RDX: variants seen among roughly 807,000 people sequenced by gnomAD.
RDX encodes the protein radixin.
RDX carries 32 observed loss-of-function variants against 83.7 expected under a neutral mutation model. That is an observed-to-expected ratio of 0.38 (90% CI 0.29 to 0.51). The LOEUF is 0.51. Among genes scored for constraint, RDX ranks in the 20% least tolerant of loss-of-function variants. The pLI is 0.87. For missense variants in RDX, 600 were observed against 689.9 expected, an observed-to-expected ratio of 0.87 and a Z score of 1.46; for synonymous variants, 229 against 222.7, an observed-to-expected ratio of 1.03 and a Z score of -0.25.
chr11:110,242,742 T>TA (rs1158038572), intron 10 of RDX, among the ~76,000 whole-genome samples: 1 of 152,134 alleles, frequency 6.6e-6, no homozygotes, highest in Non-Finnish European at 1.5e-5. Context: ...CAGTCCCTCC[T>TA]AAAAAAGGAA....
downstream of RDX, among the ~76,000 whole-genome samples, chr11:110,225,389 C>A (rs2134283720): frequency 6.6e-6 from 1 of 152,150 alleles, no homozygotes; most frequent in East Asian, 1.9e-4. Flanking sequence ...TATTTTGAAT[C>A]CCAAATATAA....
In RDX at chr11:110,247,661, CAAT is replaced by C. The variant is rs749369217; in HGVS notation, c.1090+39_1090+41del. 2.5e-5 allele frequency: 40 copies of C among 1,594,708 alleles called. No individual in the cohort carries two copies. The African/African-American group carries it at 3.9e-4, about 16-fold the overall frequency. On this transcript the variant is annotated intron_variant, in intron 10 of 13. Coordinates refer to ENST00000645495, the MANE Select transcript of RDX (RefSeq NM_002906.4). ...AAAATACCACTATCTGACAACAGAG[CAAT>C]AATAATTTTTAATCCATTTTCAAAA...
chr11:110,283,351 A>C (rs913374363), intron 1 of RDX, among the ~76,000 whole-genome samples: 9 of 152,252 alleles, frequency 5.9e-5, no homozygotes, highest in Admixed American at 3.3e-4. Flanking sequence ...ACAGGGTTTC[A>C]CTATGTTGCC....
At chr11:110,240,367 G>A (rs1470814140) in intron 10 of RDX, among the ~76,000 whole-genome samples, 1 of 152,142 alleles carries the variant, frequency 6.6e-6, no homozygotes, top group East Asian at 1.9e-4. Flanking sequence ...GGTTATCAAA[G>A]GCCAGGAAGT....
chr11:110,231,946 G>A lies in RDX; in HGVS notation c.1675C>T (p.Arg559Cys), dbSNP rs528380395. The part of the protein sequence containing the change: ...VLHAENVKAG[R>C]DKYKTLRQIR... ...TGTCGCAGAGTCTTGTACTTATCACGGCCTGCTTTAACATTCTCAGCATGA... is the reference window on the plus strand; with the variant it reads ...TGTCGCAGAGTCTTGTACTTATCACAGCCTGCTTTAACATTCTCAGCATGA... Residue 559 changes from arginine (R) to cysteine (C), a missense_variant, in exon 14 of 14, where the codon CGT (arginine) becomes TGT (cysteine). Arg to Cys is a radical substitution (Grantham distance 180). Transcript: ENST00000645495. The A allele has an allele frequency of 3.7e-6, 6 of 1,613,702 alleles. No individual in the cohort carries two copies. The highest frequency in any genetic ancestry group is 3.3e-5 in the Admixed American group (2 of 59,976).
chr11:110,255,113 T>C (rs1283266887), intron 8 of RDX, among the ~76,000 whole-genome samples, 176 bp downstream of exon 8: 1 of 152,182 alleles, frequency 6.6e-6, no homozygotes, highest in East Asian at 1.9e-4. Flanking sequence ...TTTAAAAAAT[T>C]AAATCTTTGG....
chr11:110,263,911 C>G, intron 5 of RDX, 49 bp downstream of exon 5: 1 of 1,504,264 alleles, frequency 6.6e-7, no homozygotes, highest in Non-Finnish European at 9.2e-7. Flanking sequence ...TTATAGACTT[C>G]TAGAATACAA....
intron 14 of RDX, among the ~76,000 whole-genome samples, chr11:110,201,739 T>C (rs1863413093): frequency 6.6e-6 from 1 of 152,020 alleles, no homozygotes; most frequent in Admixed American, 6.6e-5. Flanking sequence ...GCAAACCTAG[T>C]TGAACTTATT....
chr11:110,204,095 C>A (rs1169888043), intron 14 of RDX, among the ~76,000 whole-genome samples: 1 of 152,078 alleles, frequency 6.6e-6, no homozygotes, highest in African/African-American at 2.4e-5. Flanking sequence ...CTGGAAATTG[C>A]AGCCAGTCAA....
At position 110,287,888 on chromosome 11, in the gene RDX, G is replaced by A. The variant is rs1430158442; in HGVS notation, c.-64-8132C>T. Among the ~76,000 whole-genome samples the A allele has an allele frequency of 2.0e-5, 3 of 152,232 alleles. No homozygotes were observed. In the East Asian group the frequency reaches 5.8e-4, roughly 29 times the overall value. Reference sequence around the variant, plus strand: ...ATAAGTCCTTTAAAATCCTAGTCTTGGGCTCTTTTGATTATCTTATTCTAC... The same window carrying A: ...ATAAGTCCTTTAAAATCCTAGTCTTAGGCTCTTTTGATTATCTTATTCTAC... On this transcript the variant is annotated intron_variant, in intron 1 of 13. Coordinates refer to ENST00000645495, the MANE Select transcript of RDX (RefSeq NM_002906.4).
At chr11:110,262,215 AC>A (rs1258774402) in intron 5 of RDX, among the ~76,000 whole-genome samples, 3 of 152,184 alleles carry the variant, frequency 2.0e-5, no homozygotes, top group African/African-American at 7.2e-5. Context: ...TTGGTGAACA[AC>A]TTACATAATT....
At chr11:110,201,617 C>T (rs891372784) in intron 14 of RDX, among the ~76,000 whole-genome samples, 6 of 152,170 alleles carry the variant, frequency 3.9e-5, no homozygotes, top group African/African-American at 1.4e-4. Flanking sequence ...GCTGGATATT[C>T]ACAACACAGG....
Position 110,255,183 on chromosome 11 carries a change from C to A in RDX, c.795+106G>T. The A allele has an allele frequency of 8.8e-6, 6 of 679,064 alleles. No homozygotes were observed. In the South Asian group the frequency reaches 1.0e-4, roughly 12 times the overall value. The allele number at this position is 679,064 out of a possible 1,614,324, so 42.1% of individuals were successfully genotyped here. On this transcript the variant is annotated intron_variant, in intron 8 of 13. Transcript: ENST00000645495. Reference sequence around the variant, plus strand: ...GCTGACCTATGGAAAGAGAATGGTCCTCAGAAGCAATTTAATAAATGAACA... The same window carrying A: ...GCTGACCTATGGAAAGAGAATGGTCATCAGAAGCAATTTAATAAATGAACA...
intron 14 of RDX, among the ~76,000 whole-genome samples, chr11:110,217,725 G>A (rs534114817): frequency 1.1e-4 from 16 of 152,270 alleles, no homozygotes; most frequent in Admixed American, 4.6e-4. Context: ...ACTGAGATAC[G>A]CCCTCGGCCC....
At chr11:110,228,431 A>C (rs1417394276), downstream of RDX, among the ~76,000 whole-genome samples, 1 of 152,112 alleles carries the variant, frequency 6.6e-6, no homozygotes, top group Non-Finnish European at 1.5e-5. Context: ...AACAGACTTA[A>C]GAGAGGAACC....
chr11:110,223,714 T>C (rs1864335418), intron 14 of RDX, among the ~76,000 whole-genome samples: 1 of 152,150 alleles, frequency 6.6e-6, no homozygotes. Context: ...AAGATGTCAT[T>C]TGGGTACCTC....
chr11:110,177,960 CCT>C (rs1364636715), intron 15 of RDX, among the ~76,000 whole-genome samples: 1 of 152,116 alleles, frequency 6.6e-6, no homozygotes, highest in African/African-American at 2.4e-5. Flanking sequence ...ACACACCCTG[CCT>C]CTCTGATCAG....
At chr11:110,252,467 T>C (rs1235799996) in intron 9 of RDX, among the ~76,000 whole-genome samples, 1 of 152,174 alleles carries the variant, frequency 6.6e-6, no homozygotes, top group Non-Finnish European at 1.5e-5. Context: ...AGGCATACTA[T>C]AGAGTGATGA....
intron 15 of RDX, among the ~76,000 whole-genome samples, chr11:110,198,404 C>T (rs1269188325): frequency 6.6e-6 from 1 of 152,274 alleles, no homozygotes; most frequent in East Asian, 1.9e-4. Flanking sequence ...TTAACCAATT[C>T]TTTAATTCTT....
Sources: gnomAD v4.1 joint callset for allele counts (sites outside exome capture counted in the v4.1 genomes callset) on GRCh38, gnomAD v4.1.1 for gene constraint, MANE v1.5 for transcripts, NCBI Gene and HGNC (gene_info 2026-07-23, HGNC 2026-07-21) for gene names.